Variants in CNTNAP3B observed in about 807,000 individuals in gnomAD.
CNTNAP3B encodes the protein contactin associated protein family member 3B.
In CNTNAP3B, 25 loss-of-function variants were observed where a neutral mutation model predicts 108.9. The ratio of observed to expected loss-of-function variants is 0.23; its 90% CI spans 0.17 to 0.32. The LOEUF is 0.32. Among genes scored for constraint, CNTNAP3B ranks in the 10% least tolerant of loss-of-function variants. CNTNAP3B has a pLI of 1.00. For missense variants in CNTNAP3B, 252 were observed against 1,210.4 expected, an observed-to-expected ratio of 0.21 and a Z score of 11.75; for synonymous variants, 103 against 473.4, an observed-to-expected ratio of 0.22 and a Z score of 10.16.
At chr9:41,927,786 T>C (rs1490826118) in intron 15 of CNTNAP3B, among the ~76,000 whole-genome samples, 3 of 150,424 alleles carry the variant, frequency 2.0e-5, no homozygotes, top group Non-Finnish European at 4.4e-5. Context: ...TATCTGGAAA[T>C]GGAGAACACA....
chr9:42,051,809 T>G (rs1334845732), intron 3 of CNTNAP3B, among the ~76,000 whole-genome samples: 2 of 152,064 alleles, frequency 1.3e-5, no homozygotes, highest in African/African-American at 4.8e-5. Flanking sequence ...TTTCAGTAAT[T>G]TTTGCAAACT....
intron 13 of CNTNAP3B, among the ~76,000 whole-genome samples, chr9:41,942,061 A>C (rs1363554531): frequency 1.3e-5 from 2 of 152,300 alleles, no homozygotes; most frequent in Admixed American, 1.3e-4. Flanking sequence ...AAATACCCAG[A>C]ACCAGCCCCC....
At position 42,110,060 on chromosome 9, in the gene CNTNAP3B, A is replaced by G. The variant is rs1454869060; in HGVS notation, c.86-5321T>C. On this transcript the variant is annotated intron_variant, in intron 1 of 23. Transcript: ENST00000377561. ...TTTTGGACTAGGGATACTGATGCGG[A>G]ACTTCTGGTCTCCAGACTATGACAG... is the stretch of plus-strand genomic sequence containing the variant. 2.9e-5 allele frequency among the ~76,000 whole-genome samples: 4 copies of G among 136,964 alleles called. 1 individual carries two copies. Among genetic ancestry groups the G allele is most frequent in the Non-Finnish European group, 4.7e-5 (3 of 64,304 alleles). The allele number at this position is 136,964 out of a possible 152,430, so 89.9% of individuals were successfully genotyped here. A position where few individuals can be genotyped will look rare whatever the true frequency, so the allele number is the denominator to read the frequency against.
intron 10 of CNTNAP3B, among the ~76,000 whole-genome samples, chr9:41,967,637 T>A (rs868654949): frequency 0.022 from 3,291 of 149,958 alleles, 3 homozygotes; most frequent in Middle Eastern, 0.047. Context: ...TTTCAGGTTT[T>A]CAAAACTTTA....
At chr9:42,111,465 C>A (rs1306611630) in intron 1 of CNTNAP3B, among the ~76,000 whole-genome samples, 2 of 138,388 alleles carry the variant, frequency 1.4e-5, no homozygotes, top group Non-Finnish European at 3.1e-5. Flanking sequence ...AGTCACGCTC[C>A]TAAGCTGGTA....
intron 14 of CNTNAP3B, among the ~76,000 whole-genome samples, chr9:41,935,049 G>T (rs1259032394): frequency 2.0e-5 from 3 of 152,144 alleles, no homozygotes; most frequent in Non-Finnish European, 4.4e-5. Flanking sequence ...ATATTTTAGA[G>T]AATATATTGG....
chr9:41,914,517 T>C (rs1209571799), intron 18 of CNTNAP3B, among the ~76,000 whole-genome samples: 4 of 152,028 alleles, frequency 2.6e-5, no homozygotes, highest in Non-Finnish European at 2.9e-5. Flanking sequence ...TTAATTTTTA[T>C]AAAGTCCAAA....
At chr9:41,960,550 C>A (rs1825049240) in intron 12 of CNTNAP3B, among the ~76,000 whole-genome samples, 1 of 152,270 alleles carries the variant, frequency 6.6e-6, no homozygotes, top group Non-Finnish European at 1.5e-5. Context: ...AGTGTAGGAG[C>A]TAGAGAGATG....
At chr9:41,975,080 C>G (rs1229579440) in intron 9 of CNTNAP3B, 1 of 209,294 alleles carries the variant, frequency 4.8e-6, no homozygotes, top group Non-Finnish European at 9.2e-6. Flanking sequence ...CGGTGGTGCA[C>G]AACATCATGC....
intron 10 of CNTNAP3B, among the ~76,000 whole-genome samples, chr9:41,966,336 A>G (rs1301227114): frequency 1.3e-5 from 2 of 151,894 alleles, no homozygotes; most frequent in South Asian, 2.1e-4. Flanking sequence ...ATTTGGAAAT[A>G]AGAACTATTT....
Position 42,094,562 on chromosome 9 carries a change from G to A in CNTNAP3B, c.196+10067C>T, listed in dbSNP as rs527947890. 8.1e-4 allele frequency among the ~76,000 whole-genome samples: 106 copies of A among 131,658 alleles called. 17 individuals are homozygous for A. The highest frequency in any genetic ancestry group is 2.9e-3 in the African/African-American group (93 of 32,314). 86.4% of individuals were successfully genotyped at this position (131,658 alleles called of 152,430 possible). The stretch of plus-strand genomic sequence containing the variant: ...CCCAGCTACTCGGGAGGCTGAGGTG[G>A]GAGGATCACCTGAGCCCACGGAGGT... On this transcript the variant is annotated intron_variant, in intron 2 of 23. Coordinates refer to ENST00000377561, the MANE Select transcript of CNTNAP3B (RefSeq NM_001201380.3).
chr9:41,948,192 A>G (rs1824581111), intron 13 of CNTNAP3B, among the ~76,000 whole-genome samples: 1 of 147,396 alleles, frequency 6.8e-6, no homozygotes, highest in African/African-American at 2.5e-5. Flanking sequence ...CCCAAGTTCA[A>G]GCGATTCTCC....
chr9:41,927,819 T>C (rs1286410712), intron 15 of CNTNAP3B, among the ~76,000 whole-genome samples: 1 of 151,266 alleles, frequency 6.6e-6, no homozygotes, highest in Non-Finnish European at 1.5e-5. Flanking sequence ...TTACTGACAT[T>C]GGGAAAAGCT....
Position 41,979,991 on chromosome 9 carries a change from A to C in CNTNAP3B, c.1477+6177T>G, listed in dbSNP as rs1446574093. 7 of 83,368 alleles carry C rather than the reference A, an allele frequency of 8.4e-5. No homozygotes were observed. The East Asian group carries it at 3.7e-3, about 44-fold the overall frequency. 5.2% of individuals were successfully genotyped at this position (83,368 alleles called of 1,614,324 possible). ...TTTTGGCCATTGTCCAAGGGTTTAG[A>C]ACTGAATGGGAATGTCTGTAAATGG... On this transcript the variant is annotated intron_variant, in intron 9 of 23. Transcript: ENST00000377561.
Position 42,122,341 on chromosome 9 carries a change from T to A in CNTNAP3B, c.85+6669A>T, listed in dbSNP as rs1403347724. On this transcript the variant is annotated intron_variant, in intron 1 of 23. Coordinates refer to ENST00000377561, the MANE Select transcript of CNTNAP3B (RefSeq NM_001201380.3). ...ATGAAAAGAGATAAATTAGTTACTTTCTTAAAGCTAAGCAACATCATTTTC... is the reference window on the plus strand; with the variant it reads ...ATGAAAAGAGATAAATTAGTTACTTACTTAAAGCTAAGCAACATCATTTTC... 3.6e-5 allele frequency among the ~76,000 whole-genome samples: 5 copies of A among 138,628 alleles called. 1 individual carries two copies. Among genetic ancestry groups the A allele is most frequent in the Non-Finnish European group, 7.7e-5 (5 of 64,844 alleles). The allele number at this position is 138,628 out of a possible 152,430, so 90.9% of individuals were successfully genotyped here.
At chr9:41,952,937 T>C (rs1414584915) in intron 13 of CNTNAP3B, among the ~76,000 whole-genome samples, 1 of 152,054 alleles carries the variant, frequency 6.6e-6, no homozygotes, top group Admixed American at 6.5e-5. Context: ...AAATTTCCCT[T>C]GATTAAGAAA....
In CNTNAP3B at chr9:42,126,593, G is replaced by C. The variant is rs1828575581; in HGVS notation, c.85+2417C>G. On this transcript the variant is annotated intron_variant, in intron 1 of 23. Coordinates refer to ENST00000377561, the MANE Select transcript of CNTNAP3B (RefSeq NM_001201380.3). ...TTTTTTTTTTTTGAGACGGAGTTTT[G>C]CGTTTTGCTCTTGTTGCCCAGGCTG... 1.5e-5 allele frequency among the ~76,000 whole-genome samples: 2 copies of C among 132,588 alleles called. 1 individual carries two copies. The highest frequency in any genetic ancestry group is 1.5e-4 in the Admixed American group (2 of 13,268). 87.0% of individuals were successfully genotyped at this position (132,588 alleles called of 152,430 possible).
At chr9:41,989,887 A>C (rs1022648367) in intron 8 of CNTNAP3B, among the ~76,000 whole-genome samples, 1 of 147,012 alleles carries the variant, frequency 6.8e-6, no homozygotes, top group African/African-American at 2.6e-5. Context: ...CCCACTTGTC[A>C]AAGAGACATG....
At chr9:41,952,413 T>TA (rs376996052) in intron 13 of CNTNAP3B, among the ~76,000 whole-genome samples, 89 of 152,282 alleles carry the variant, frequency 5.8e-4, no homozygotes, top group African/African-American at 2.0e-3. Flanking sequence ...TTGCTAAAAC[T>TA]AAAAAAATGA....
Sources: gnomAD v4.1 joint callset for allele counts (sites outside exome capture counted in the v4.1 genomes callset) on GRCh38, gnomAD v4.1.1 for gene constraint, MANE v1.5 for transcripts, NCBI Gene and HGNC (gene_info 2026-07-23, HGNC 2026-07-21) for gene names.